RASSF3: variants seen among roughly 807,000 people sequenced by gnomAD.
The protein encoded by RASSF3 is ras association domain-containing protein 3.
Under a neutral mutation model 19.9 loss-of-function variants are expected in RASSF3, and 19 were observed. The ratio of observed to expected loss-of-function variants is 0.96; its 90% CI spans 0.67 to 1.40. The LOEUF (loss-of-function observed/expected upper bound fraction) is 1.40, where lower values mean the gene tolerates loss of function less well. Among genes scored for constraint, RASSF3 ranks in the 40% most tolerant of loss-of-function variants. The pLI is 0.00. For missense variants in RASSF3, 306 were observed against 289.8 expected, an observed-to-expected ratio of 1.06 and a Z score of -0.41; for synonymous variants, 110 against 104.2, an observed-to-expected ratio of 1.06 and a Z score of -0.34.
intron 2 of RASSF3, among the ~76,000 whole-genome samples, chr12:64,575,271 T>C (rs1869576971): frequency 6.6e-6 from 1 of 152,188 alleles, no homozygotes; most frequent in African/African-American, 2.4e-5. Flanking sequence ...ATATAACATC[T>C]GGCTGGGCGT....
chr12:64,560,828 C>T (rs923983268), intron 2 of RASSF3, among the ~76,000 whole-genome samples: 20 of 152,140 alleles, frequency 1.3e-4, no homozygotes, highest in Non-Finnish European at 4.4e-5. Context: ...AGCCTTCAGA[C>T]GCAAAGCAGG....
chr12:64,560,580 C>T (rs1424236914), intron 2 of RASSF3, among the ~76,000 whole-genome samples: 1 of 152,216 alleles, frequency 6.6e-6, no homozygotes, highest in Non-Finnish European at 1.5e-5. Context: ...CCACATTGTG[C>T]GAGGAACTAT....
At chr12:64,622,421 G>T in intron 1 of RASSF3, 1 of 515,746 alleles carries the variant, frequency 1.9e-6, no homozygotes. Flanking sequence ...ACAAACTGCT[G>T]GAAACCTTAC....
chr12:64,606,995 C>T, upstream of RASSF3, among the ~76,000 whole-genome samples: 1 of 151,944 alleles, frequency 6.6e-6, no homozygotes, highest in East Asian at 1.9e-4. Flanking sequence ...AAAATGCTAC[C>T]AGGCTAGGCA....
intron 2 of RASSF3, among the ~76,000 whole-genome samples, chr12:64,559,618 G>T (rs1353927844): frequency 6.6e-6 from 1 of 152,090 alleles, no homozygotes; most frequent in African/African-American, 2.4e-5. Context: ...TCTGCCACCT[G>T]CCAGGGCAAC....
intron 1 of RASSF3, among the ~76,000 whole-genome samples, chr12:64,627,379 G>A (rs1161820647): frequency 1.3e-5 from 2 of 152,186 alleles, no homozygotes; most frequent in Non-Finnish European, 2.9e-5. Flanking sequence ...TTGTGTTTAT[G>A]AAGCACTGGT....
chr12:64,643,823 GT>G (rs759483839), intron 1 of RASSF3, among the ~76,000 whole-genome samples: 9 of 152,128 alleles, frequency 5.9e-5, no homozygotes, highest in Non-Finnish European at 1.2e-4. Flanking sequence ...AGGGCAATTT[GT>G]TTTTTCACTT....
intron 1 of RASSF3, among the ~76,000 whole-genome samples, chr12:64,680,693 G>A (rs1244871): frequency 0.79 from 119,821 of 151,742 alleles, 47,506 homozygotes; most frequent in South Asian, 0.84. Flanking sequence ...GGCTTACTGC[G>A]ATCTCCGCCT....
At chr12:64,675,960 A>G (rs1872883834) in intron 1 of RASSF3, among the ~76,000 whole-genome samples, 1 of 151,922 alleles carries the variant, frequency 6.6e-6, no homozygotes. Flanking sequence ...AAAAAATCCC[A>G]GCCCTAGAGT....
intron 2 of RASSF3, among the ~76,000 whole-genome samples, chr12:64,561,447 A>T (rs1382704709): frequency 1.3e-5 from 2 of 152,196 alleles, no homozygotes; most frequent in Non-Finnish European, 1.5e-5. Context: ...CCCAGGGACT[A>T]GATGCCAGTA....
intron 2 of RASSF3, among the ~76,000 whole-genome samples, chr12:64,602,160 G>A (rs1870104352): frequency 6.6e-6 from 1 of 151,828 alleles, no homozygotes; most frequent in Non-Finnish European, 1.5e-5. Flanking sequence ...GCATAGGCCA[G>A]GTGTGGTGGC....
chr12:64,688,485 G>A lies in RASSF3; in HGVS notation c.457+32G>A, dbSNP rs948072135. 4 of 1,473,314 alleles carry A rather than the reference G, an allele frequency of 2.7e-6. No individual in the cohort carries two copies. In the African/African-American group the frequency reaches 5.5e-5, roughly 20 times the overall value. The allele number at this position is 1,473,314 out of a possible 1,614,324, so 91.3% of individuals were successfully genotyped here. On this transcript the variant is annotated intron_variant, in intron 3 of 4. Transcript: ENST00000542104. ...TGCCAGCTTAAAAGGAAAATGGTCT[G>A]TGCTTCTACTTGCATCTGCTGTTCT...
chr12:64,526,303 AT>A (rs564216086), intron 1 of RASSF3, among the ~76,000 whole-genome samples: 61 of 152,230 alleles, frequency 4.0e-4, no homozygotes, highest in African/African-American at 1.4e-3. Flanking sequence ...TCATATACTT[AT>A]TTTTTTGTGG....
At chr12:64,641,659 TACTG>T (rs1871536906) in intron 1 of RASSF3, among the ~76,000 whole-genome samples, 2 of 150,240 alleles carry the variant, frequency 1.3e-5, no homozygotes, top group Non-Finnish European at 3.0e-5. Context: ...TTTTTTAAGT[TACTG>T]ACTCCTAGGG....
intron 2 of RASSF3, among the ~76,000 whole-genome samples, chr12:64,559,509 T>C (rs937782079): frequency 1.3e-5 from 2 of 152,118 alleles, no homozygotes; most frequent in African/African-American, 2.4e-5. Flanking sequence ...GACCTCGTGA[T>C]CTGCCCACCT....
At chr12:64,670,996 A>G (rs1466573558) in intron 1 of RASSF3, among the ~76,000 whole-genome samples, 1 of 152,148 alleles carries the variant, frequency 6.6e-6, no homozygotes, top group African/African-American at 2.4e-5. Context: ...GTATTACCCA[A>G]TTCCAGGGTT....
At chr12:64,507,647 A>C (rs1185564000) in intron 1 of RASSF3, among the ~76,000 whole-genome samples, 1 of 152,310 alleles carries the variant, frequency 6.6e-6, no homozygotes, top group East Asian at 1.9e-4. Flanking sequence ...AACAGCTCTT[A>C]TTCTCAGGGA....
chr12:64,622,419 C>T, intron 1 of RASSF3: 1 of 515,958 alleles, frequency 1.9e-6, no homozygotes, highest in Non-Finnish European at 3.9e-6. Context: ...GGACAAACTG[C>T]TGGAAACCTT....
chr12:64,530,206 T>A (rs942185358), upstream of RASSF3, among the ~76,000 whole-genome samples: 3 of 152,222 alleles, frequency 2.0e-5, no homozygotes, highest in African/African-American at 7.2e-5. Flanking sequence ...ATATAATATA[T>A]ATTCTTTTTT....
Sources: allele counts gnomAD v4.1 joint callset (sites outside exome capture counted in the v4.1 genomes callset), GRCh38; gene constraint gnomAD v4.1.1; transcripts MANE v1.5; gene names NCBI Gene and HGNC (gene_info 2026-07-23, HGNC 2026-07-21).